Variants in HACD2 observed in about 807,000 individuals in gnomAD.
HACD2 encodes the protein 3-hydroxyacyl-CoA dehydratase 2, also known as very-long-chain (3R)-3-hydroxyacyl-CoA dehydratase 2.
In HACD2, 15 loss-of-function variants were observed where a neutral mutation model predicts 31.0. The observed-to-expected ratio is 0.48, with a 90% CI of 0.32 to 0.75. The LOEUF is 0.75. HACD2 is among the 30% of genes least tolerant of loss of function. HACD2 has a pLI of 0.03. For synonymous variants in HACD2, 115 were observed against 122.2 expected, an observed-to-expected ratio of 0.94 and a Z score of 0.39; for missense variants, 283 against 313.0, an observed-to-expected ratio of 0.90 and a Z score of 0.72.
At chr3:123,552,057 A>C (rs1360671397) in intron 3 of HACD2, among the ~76,000 whole-genome samples, 1 of 152,200 alleles carries the variant, frequency 6.6e-6, no homozygotes, top group Non-Finnish European at 1.5e-5. Context: ...ATCTTTGTGG[A>C]AAGTGAGGAG....
intron 6 of HACD2, among the ~76,000 whole-genome samples, chr3:123,495,683 C>T (rs2055824187): frequency 6.6e-6 from 1 of 151,836 alleles, no homozygotes. Flanking sequence ...TTGTAGAATA[C>T]TTTAGAAAGC....
chr3:123,569,350 C>T (rs2056828174), intron 2 of HACD2, among the ~76,000 whole-genome samples: 1 of 152,070 alleles, frequency 6.6e-6, no homozygotes, highest in Non-Finnish European at 1.5e-5. Context: ...GATGACAGTA[C>T]CTAGACAGAA....
At chr3:123,499,899 A>AAT (rs1298296604) in intron 6 of HACD2, among the ~76,000 whole-genome samples, 6 of 152,226 alleles carry the variant, frequency 3.9e-5, no homozygotes, top group Middle Eastern at 3.2e-3. Flanking sequence ...TCTGTCACTG[A>AAT]ATACACTGAT....
At chr3:123,522,949 C>G (rs1479785412) in intron 4 of HACD2, among the ~76,000 whole-genome samples, 4 of 152,182 alleles carry the variant, frequency 2.6e-5, no homozygotes, top group African/African-American at 7.2e-5. Flanking sequence ...GACACAGCAT[C>G]TCATCTCCTC....
chr3:123,578,869 C>CCA (rs2056935467), intron 2 of HACD2, among the ~76,000 whole-genome samples: 2 of 152,126 alleles, frequency 1.3e-5, no homozygotes. Context: ...TTAAACAATA[C>CCA]CACACACATC....
At chr3:123,515,707 T>A (rs2056125623) in intron 4 of HACD2, among the ~76,000 whole-genome samples, 1 of 152,190 alleles carries the variant, frequency 6.6e-6, no homozygotes, top group Admixed American at 6.5e-5. Context: ...TAGTAATAGA[T>A]ACACACATGG....
At chr3:123,509,794 G>A (rs2056033404) in intron 4 of HACD2, among the ~76,000 whole-genome samples, 1 of 152,086 alleles carries the variant, frequency 6.6e-6, no homozygotes, top group Non-Finnish European at 1.5e-5. Context: ...ACCGCACCTG[G>A]CCCCTGTGAC....
At chr3:123,509,322 C>T (rs1246840950) in intron 4 of HACD2, among the ~76,000 whole-genome samples, 6 of 151,818 alleles carry the variant, frequency 4.0e-5, no homozygotes, top group African/African-American at 1.2e-4. Flanking sequence ...GAGCTGTGAT[C>T]GCACGACTGC....
intron 3 of HACD2, among the ~76,000 whole-genome samples, chr3:123,528,929 T>C (rs912741456): frequency 3.9e-5 from 6 of 152,210 alleles, no homozygotes; most frequent in Admixed American, 1.3e-4. Flanking sequence ...TATCTAATGG[T>C]TAAGTTAGGT....
chr3:123,542,877 A>G (rs2056510263), intron 3 of HACD2, among the ~76,000 whole-genome samples: 1 of 152,278 alleles, frequency 6.6e-6, no homozygotes, highest in Non-Finnish European at 1.5e-5. Flanking sequence ...GAATGGGCTA[A>G]TATGAGCATC....
chr3:123,539,915 A>AAAT (rs1201315989), intron 3 of HACD2, among the ~76,000 whole-genome samples: 2 of 139,106 alleles, frequency 1.4e-5, no homozygotes, highest in Non-Finnish European at 3.1e-5. Context: ...CTCTACTAAA[A>AAAT]AAAAAAAAAA....
At chr3:123,570,541 T>C (rs1052726010) in intron 2 of HACD2, among the ~76,000 whole-genome samples, 1 of 152,060 alleles carries the variant, frequency 6.6e-6, no homozygotes, top group Non-Finnish European at 1.5e-5. Context: ...TAAGTAACAG[T>C]CAAAGTAGAG....
intron 3 of HACD2, among the ~76,000 whole-genome samples, chr3:123,536,186 C>T (rs73188551): frequency 0.05 from 7,653 of 152,180 alleles, 280 homozygotes; most frequent in Non-Finnish European, 0.07. Context: ...ATAATGTTTT[C>T]ATAACCATAC....
At chr3:123,564,805 C>T (rs1369834797) in intron 3 of HACD2, among the ~76,000 whole-genome samples, 4 of 152,144 alleles carry the variant, frequency 2.6e-5, no homozygotes, top group African/African-American at 4.8e-5. Flanking sequence ...AGGCAGATAG[C>T]ACAGGGTGAT....
chr3:123,548,775 AC>A (rs1330459165), intron 3 of HACD2, among the ~76,000 whole-genome samples: 1 of 151,758 alleles, frequency 6.6e-6, no homozygotes, highest in African/African-American at 2.4e-5. Context: ...GGTGTGTGTC[AC>A]CATGCCTGGC....
chr3:123,568,261 C>G (rs2056813323), intron 2 of HACD2, among the ~76,000 whole-genome samples: 1 of 152,202 alleles, frequency 6.6e-6, no homozygotes, highest in African/African-American at 2.4e-5. Flanking sequence ...TTGCCTCATT[C>G]AATGATCTCA....
In HACD2 at chr3:123,494,562, T is replaced by C; in HGVS notation, c.*326A>G. On this transcript the variant is annotated 3_prime_UTR_variant, in exon 7 of 7. Coordinates refer to ENST00000383657, the MANE Select transcript of HACD2 (RefSeq NM_198402.5). ...CAGACTGTAACTCTCAAGTACTTAGTGTTACAGGTCTTCATTGATCAGATA... is the reference window on the plus strand; with the variant it reads ...CAGACTGTAACTCTCAAGTACTTAGCGTTACAGGTCTTCATTGATCAGATA... The C allele has an allele frequency of 2.8e-6, 1 of 351,184 alleles. No homozygotes were observed. Among genetic ancestry groups the C allele is most frequent in the Non-Finnish European group, 5.2e-6 (1 of 192,134 alleles). 21.8% of individuals were successfully genotyped at this position (351,184 alleles called of 1,614,324 possible).
intron 3 of HACD2, among the ~76,000 whole-genome samples, chr3:123,547,775 C>T (rs2056576423): frequency 6.6e-6 from 1 of 152,132 alleles, no homozygotes; most frequent in East Asian, 1.9e-4. Flanking sequence ...GTTCAAACGA[C>T]AATAACGATA....
chr3:123,542,159 A>AAAAAAAAAAAAAAAAAAAAAAAC, intron 3 of HACD2, among the ~76,000 whole-genome samples: 1 of 148,774 alleles, frequency 6.7e-6, no homozygotes. Context: ...AAAAAAAAAA[A>AAAAAAAAAAAAAAAAAAAAAAAC]AAAAAAAAAA....
Sources: allele counts gnomAD v4.1 joint callset (sites outside exome capture counted in the v4.1 genomes callset), GRCh38; gene constraint gnomAD v4.1.1; transcripts MANE v1.5; gene names NCBI Gene and HGNC (gene_info 2026-07-23, HGNC 2026-07-21).